KDM5B: variants seen among roughly 807,000 people sequenced by gnomAD.
The protein encoded by KDM5B is lysine demethylase 5B.
Under a neutral mutation model 193.4 loss-of-function variants are expected in KDM5B, and 144 were observed. The observed-to-expected ratio is 0.74, with a 90% confidence interval of 0.65 to 0.86. The LOEUF is 0.86. Among genes scored for constraint, KDM5B ranks in the 40% least tolerant of loss-of-function variants. The pLI is 0.00. For missense variants in KDM5B, 1,833 were observed against 1,886.9 expected (o/e 0.97, Z 0.53); for synonymous variants, 668 against 682.6 (o/e 0.98, Z 0.33).
In KDM5B at chr1:202,762,766, C is replaced by T. The variant is rs774895468; in HGVS notation, c.851G>A (p.Arg284Lys). Residue 284 changes from arginine (R) to lysine (K), a missense_variant, in exon 7 of 27, where the codon AGG (arginine) becomes AAG (lysine). By Grantham distance (26) the Arg-to-Lys change is conservative. Around this residue, in one of 3 missense-constraint regions of KDM5B, gnomAD observed 355 missense variants for 374.9 expected, o/e 0.95. Coordinates refer to ENST00000367265, the MANE Select transcript of KDM5B (RefSeq NM_006618.5). ...CTCATTTTCTACAATATAATCTTTCCTCTCAATAGGTTCTTGCTTGATGCT... is the reference window on the plus strand; with the variant it reads ...CTCATTTTCTACAATATAATCTTTCTTCTCAATAGGTTCTTGCTTGATGCT... ...KSSIKQEPIE[R>K]KDYIVENEKE... 9.9e-6 allele frequency: 16 copies of T among 1,612,042 alleles called. No homozygotes were observed. Among genetic ancestry groups the T allele is most frequent in the Non-Finnish European group, 1.4e-5 (16 of 1,178,278 alleles).
intron 2 of KDM5B, 147 bp downstream of exon 2, chr1:202,776,870 T>A (rs1275259205): frequency 2.3e-5 from 15 of 641,776 alleles, no homozygotes; most frequent in South Asian, 3.8e-5. Flanking sequence ...ACCTGTTCTC[T>A]ACAGAAAGAA....
chr1:202,805,428 A>G (rs956759033), intron 1 of KDM5B, among the ~76,000 whole-genome samples: 1 of 152,224 alleles, frequency 6.6e-6, no homozygotes, highest in Non-Finnish European at 1.5e-5. Flanking sequence ...CTGAGAAAGC[A>G]GCTATAAACT....
intron 1 of KDM5B, among the ~76,000 whole-genome samples, chr1:202,790,299 C>CA (rs2102329214): frequency 7.0e-6 from 1 of 142,778 alleles, no homozygotes; most frequent in South Asian, 2.2e-4. Context: ...GATGGCAGGC[C>CA]AAGGGCAGTG....
chr1:202,738,196 G>A (rs1395384780), intron 20 of KDM5B, among the ~76,000 whole-genome samples: 1 of 152,118 alleles, frequency 6.6e-6, no homozygotes, highest in Middle Eastern at 3.2e-3. Flanking sequence ...TGCCCTTAAT[G>A]GCACTGTTAC....
chr1:202,731,784 C>A, intron 24 of KDM5B, 44 bp downstream of exon 24: 1 of 1,299,622 alleles, frequency 7.7e-7, no homozygotes, highest in Admixed American at 1.7e-5. Context: ...AATACAAGAT[C>A]ACTCATTACT....
At chr1:202,773,715 G>T (rs542327216) in intron 3 of KDM5B, among the ~76,000 whole-genome samples, 1 of 149,724 alleles carries the variant, frequency 6.7e-6, no homozygotes, top group Admixed American at 6.8e-5. Context: ...AATGGGCCTG[G>T]TATTGAATTA....
intron 4 of KDM5B, among the ~76,000 whole-genome samples, chr1:202,772,329 G>A (rs1244584539): frequency 1.3e-5 from 2 of 152,146 alleles, no homozygotes; most frequent in Non-Finnish European, 2.9e-5. Context: ...ATACCATTTT[G>A]TCAGAAATGA....
chr1:202,773,772 T>C (rs899781193), intron 3 of KDM5B, among the ~76,000 whole-genome samples: 2 of 151,784 alleles, frequency 1.3e-5, no homozygotes, highest in African/African-American at 4.8e-5. Context: ...AGTTTCTCTC[T>C]TGTTGCCCAG....
Position 202,800,860 on chromosome 1 carries a change from T to C in KDM5B, c.204+7242A>G, listed in dbSNP as rs542741663. ...CTCCATGTGCCAACAGACCTGCAGC[T>C]GGTCAAGTTACTTGACATGTCCCAA... On this transcript the variant is annotated intron_variant, in intron 1 of 26. Coordinates refer to ENST00000367265, the MANE Select transcript of KDM5B (RefSeq NM_006618.5). 1.3e-4 allele frequency among the ~76,000 whole-genome samples: 20 copies of C among 152,354 alleles called. No individual in the cohort carries two copies. In the South Asian group the frequency reaches 3.7e-3, roughly 28 times the overall value.
intron 9 of KDM5B, 61 bp from the exon 10 acceptor site, chr1:202,756,577 C>G: frequency 7.6e-7 from 1 of 1,314,386 alleles, no homozygotes; most frequent in Non-Finnish European, 1.0e-6. Flanking sequence ...ACCAATTAAG[C>G]TCAGTGATGG....
At chr1:202,791,466 C>G (rs1657638783) in intron 1 of KDM5B, among the ~76,000 whole-genome samples, 1 of 152,152 alleles carries the variant, frequency 6.6e-6, no homozygotes, top group Non-Finnish European at 1.5e-5. Context: ...GTACCTCCAA[C>G]CAAATTCTCT....
At chr1:202,729,273 G>A in intron 26 of KDM5B, 100 bp from the exon 27 acceptor site, 13 of 1,320,968 alleles carry the variant, frequency 9.8e-6, no homozygotes, top group Non-Finnish European at 1.4e-5. Context: ...GCCAATAACA[G>A]CCACTGTCCC....
chr1:202,771,460 C>T (rs1337388234), intron 4 of KDM5B, among the ~76,000 whole-genome samples: 1 of 150,942 alleles, frequency 6.6e-6, no homozygotes, highest in Non-Finnish European at 1.5e-5. Context: ...AGCCAGATCT[C>T]GAACTCCTGA....
chr1:202,791,484 T>G (rs920246292), intron 1 of KDM5B, among the ~76,000 whole-genome samples: 3 of 152,176 alleles, frequency 2.0e-5, no homozygotes, highest in Admixed American at 6.5e-5. Flanking sequence ...TCTTCCTTCC[T>G]TGAATATTGT....
At chr1:202,739,633 G>GT (rs1283424417) in intron 20 of KDM5B, among the ~76,000 whole-genome samples, 162 of 152,276 alleles carry the variant, frequency 1.1e-3, no homozygotes, top group African/African-American at 3.9e-3. Flanking sequence ...CTTCGGCAGT[G>GT]TTTGTGTCCC....
At chr1:202,789,747 AAGAC>A (rs558485579) in intron 1 of KDM5B, among the ~76,000 whole-genome samples, 1,653 of 151,702 alleles carry the variant, frequency 0.011, 14 homozygotes, top group Non-Finnish European at 0.019. Flanking sequence ...TGGGAGGCTT[AAGAC>A]AGACAGAGAG....
At chr1:202,753,722 T>C (rs1655895410) in intron 11 of KDM5B, among the ~76,000 whole-genome samples, 1 of 148,212 alleles carries the variant, frequency 6.7e-6, no homozygotes, top group Non-Finnish European at 1.5e-5. Flanking sequence ...CATGCTGAAG[T>C]GCAATGACGC....
intron 1 of KDM5B, among the ~76,000 whole-genome samples, chr1:202,789,675 T>TA (rs1553362167): frequency 3.2e-5 from 2 of 61,666 alleles, no homozygotes; most frequent in Admixed American, 3.0e-4. Context: ...CGGGACCCTA[T>TA]AAAAAAAATT....
chr1:202,742,539 G>A (rs1445743773), intron 17 of KDM5B, 34 bp from the exon 18 acceptor site: 3 of 1,604,540 alleles, frequency 1.9e-6, no homozygotes, highest in Non-Finnish European at 8.5e-7. Context: ...AGCCATATAA[G>A]AATACATACA....
Sources: gnomAD v4.1 joint callset for allele counts (sites outside exome capture counted in the v4.1 genomes callset) on GRCh38, gnomAD v4.1.1 for gene constraint, gnomAD v4.1.1 regional missense constraint, MANE v1.5 for transcripts, NCBI Gene and HGNC (gene_info 2026-07-23, HGNC 2026-07-21) for gene names.